CACNA1A: variants seen among roughly 807,000 people sequenced by gnomAD.
CACNA1A encodes the protein calcium voltage-gated channel subunit alpha1 A.
Under a neutral mutation model 262.4 loss-of-function variants are expected in CACNA1A, and 57 were observed. The observed-to-expected ratio is 0.22, with a 90% confidence interval of 0.18 to 0.27. The LOEUF (loss-of-function observed/expected upper bound fraction) is 0.27. Ranked by LOEUF, CACNA1A falls within the 10% of genes least tolerant of loss-of-function variation. CACNA1A has a pLI of 1.00. For missense variants in CACNA1A, 2,526 were observed against 3,562.8 expected, an observed-to-expected ratio of 0.71 and a Z score of 7.41; for synonymous variants, 1,431 against 1,419.3, an observed-to-expected ratio of 1.01 and a Z score of -0.18.
chr19:13,272,615 GAGAA>G (rs1858519086), intron 24 of CACNA1A: 2 of 152,228 alleles, frequency 1.3e-5, no homozygotes, highest in Admixed American at 1.3e-4. Context: ...GAGAGAGAGA[GAGAA>G]AGAGGAAAAT....
intron 1 of CACNA1A, among the ~76,000 whole-genome samples, chr19:13,472,032 G>A (rs972063539): frequency 1.3e-5 from 2 of 152,076 alleles, no homozygotes; most frequent in East Asian, 1.9e-4. Flanking sequence ...GCACAATCAC[G>A]GCTTACTGGA....
intron 30 of CACNA1A, among the ~76,000 whole-genome samples, chr19:13,247,072 C>T (rs909666172): frequency 6.6e-6 from 1 of 152,218 alleles, no homozygotes; most frequent in African/African-American, 2.4e-5. Context: ...ATCCAAGAGT[C>T]TGGGTCAAAG....
intron 24 of CACNA1A, chr19:13,272,748 G>A (rs569258561): frequency 2.0e-5 from 3 of 152,178 alleles, no homozygotes; most frequent in African/African-American, 7.2e-5. Flanking sequence ...AGAAAGAAAA[G>A]GAGGGGAGAG....
intron 1 of CACNA1A, among the ~76,000 whole-genome samples, chr19:13,482,493 AAAG>A (rs1274212742): frequency 6.6e-6 from 1 of 151,826 alleles, no homozygotes; most frequent in Non-Finnish European, 1.5e-5. Context: ...AAAAAAAAAA[AAAG>A]AATAGCAGCA....
At position 13,298,663 on chromosome 19, in the gene CACNA1A, C is replaced by G; in HGVS notation, c.2970G>C (p.Glu990Asp). Reference sequence around the variant, plus strand: ...CCCCGTCGGGGCCCTCGCCCTCGCCCTCGCCGCCCCGGGCCGGCCGGCTGC... The same window carrying G: ...CCCCGTCGGGGCCCTCGCCCTCGCCGTCGCCGCCCCGGGCCGGCCGGCTGC... ...REGSRPARGG[E>D]GEGEGPDGGE... The change falls in exon 19 of 47, where the codon GAG becomes GAC. Residue 990 changes from glutamate to aspartate, a missense_variant. By Grantham distance (45) the Glu-to-Asp change is conservative. Around this residue, in one of 17 missense-constraint regions of CACNA1A, gnomAD observed 765 missense variants for 748.6 expected, o/e 1.02. Coordinates refer to ENST00000360228, the MANE Select transcript of CACNA1A (RefSeq NM_001127222.2). 5.3e-6 allele frequency: 8 copies of G among 1,497,806 alleles called. No homozygotes were observed. The highest frequency in any genetic ancestry group is 2.3e-5 in the Admixed American group (1 of 43,272). The allele number at this position is 1,497,806 out of a possible 1,614,324, so 92.8% of individuals were successfully genotyped here.
At chr19:13,381,795 G>T (rs1401394704) in intron 3 of CACNA1A, among the ~76,000 whole-genome samples, 1 of 152,200 alleles carries the variant, frequency 6.6e-6, no homozygotes, top group Non-Finnish European at 1.5e-5. Flanking sequence ...GAGATGAGTT[G>T]GTGTGGCTGA....
chr19:13,481,182 C>A (rs1315205598), intron 1 of CACNA1A, among the ~76,000 whole-genome samples: 1 of 152,194 alleles, frequency 6.6e-6, no homozygotes, highest in African/African-American at 2.4e-5. Context: ...CCTTATTTTA[C>A]AGATGAGGAA....
intron 10 of CACNA1A, among the ~76,000 whole-genome samples, chr19:13,326,044 G>A (rs975098982): frequency 1.4e-4 from 21 of 152,014 alleles, no homozygotes; most frequent in African/African-American, 4.6e-4. Flanking sequence ...TGTCAGGCGC[G>A]GTGGCTAACA....
chr19:13,467,063 C>G (rs943307169), intron 1 of CACNA1A, among the ~76,000 whole-genome samples: 3 of 151,906 alleles, frequency 2.0e-5, no homozygotes, highest in African/African-American at 7.3e-5. Flanking sequence ...TTAATAAAAG[C>G]TGGAGGAGGC....
At chr19:13,495,889 C>T (rs1981444174) in intron 1 of CACNA1A, among the ~76,000 whole-genome samples, 1 of 152,082 alleles carries the variant, frequency 6.6e-6, no homozygotes, top group South Asian at 2.1e-4. Context: ...ATCCAGTCAT[C>T]CATCCAGTCA....
intron 10 of CACNA1A, among the ~76,000 whole-genome samples, chr19:13,319,414 G>A (rs1460181203): frequency 6.6e-6 from 1 of 151,486 alleles, no homozygotes; most frequent in African/African-American, 2.4e-5. Flanking sequence ...CCATCCATTC[G>A]CTCATCCATT....
chr19:13,243,371 G>A lies in CACNA1A; in HGVS notation c.4950+1811C>T, dbSNP rs139255315. ...ATATCAAAGAATGGCCCCCTCTTTT[G>A]TGTAGTTCCCCAGCCCCTCCTGGCC... On this transcript the variant is annotated intron_variant, in intron 31 of 46. Transcript: ENST00000360228. Among the ~76,000 whole-genome samples the A allele has an allele frequency of 4.9e-3, 753 of 152,244 alleles. 1 individual carries two copies. The highest frequency in any genetic ancestry group is 0.01 in the Middle Eastern group (3 of 292).
At chr19:13,471,039 C>T (rs571677765) in intron 1 of CACNA1A, among the ~76,000 whole-genome samples, 5 of 152,266 alleles carry the variant, frequency 3.3e-5, no homozygotes, top group South Asian at 2.1e-4. Flanking sequence ...TGCCTCTTCC[C>T]GCTTTTGGTG....
At chr19:13,379,427 C>T (rs1264380850) in intron 3 of CACNA1A, among the ~76,000 whole-genome samples, 3 of 152,024 alleles carry the variant, frequency 2.0e-5, no homozygotes, top group Non-Finnish European at 2.9e-5. Flanking sequence ...TTTGTTATGG[C>T]GACCTGGAAC....
At chr19:13,283,589 TCGGTGA>T in intron 21 of CACNA1A, 193 bp from the exon 22 acceptor site, 1 of 603,508 alleles carries the variant, frequency 1.7e-6, no homozygotes, top group Non-Finnish European at 2.8e-6. Context: ...AGAGGGGACC[TCGGTGA>T]GAGAAGACAT....
At chr19:13,356,390 GC>G (rs1482502669) in intron 6 of CACNA1A, among the ~76,000 whole-genome samples, 1 of 152,196 alleles carries the variant, frequency 6.6e-6, no homozygotes, top group Non-Finnish European at 1.5e-5. Flanking sequence ...GCCGAAGGCT[GC>G]ACAGCAAGGA....
chr19:13,293,828 G>A (rs2057599552), intron 19 of CACNA1A, among the ~76,000 whole-genome samples: 1 of 114,430 alleles, frequency 8.7e-6, no homozygotes, highest in African/African-American at 3.3e-5. Context: ...GGAAATGGAG[G>A]CCCAGAGAGG....
In CACNA1A at chr19:13,471,786, G is replaced by A. The variant is rs140496817; in HGVS notation, c.294-16574C>T. Among the ~76,000 whole-genome samples, 740 of 152,266 alleles carry A rather than the reference G, an allele frequency of 4.9e-3. 4 individuals carry two copies. The highest frequency in any genetic ancestry group is 0.016 in the African/African-American group (668 of 41,558). On this transcript the variant is annotated intron_variant, in intron 1 of 46. Transcript: ENST00000360228. ...GAGTGGTGGGGGTTGGGGGGATACC[G>A]GGAGGGGAGGATGAGGAGCAACTGC...
chr19:13,498,197 T>A (rs766254556), intron 1 of CACNA1A, among the ~76,000 whole-genome samples: 21 of 152,006 alleles, frequency 1.4e-4, no homozygotes, highest in Non-Finnish European at 2.9e-4. Flanking sequence ...AAGATCAGAA[T>A]CCATGTAACA....
Sources: gnomAD v4.1 joint callset for allele counts (sites outside exome capture counted in the v4.1 genomes callset) on GRCh38, gnomAD v4.1.1 for gene constraint, gnomAD v4.1.1 regional missense constraint, MANE v1.5 for transcripts, NCBI Gene and HGNC (gene_info 2026-07-23, HGNC 2026-07-21) for gene names.